The following PHACTR1 variants were observed in gnomAD, a reference collection of about 807,000 sequenced individuals.
PHACTR1 encodes the protein RPEL repeat containing 1.
Under a neutral mutation model 69.2 loss-of-function variants are expected in PHACTR1, and 16 were observed. The observed-to-expected ratio is 0.23, with a 90% CI of 0.16 to 0.35. The LOEUF is 0.35. Ranked by LOEUF, PHACTR1 falls within the 10% of genes least tolerant of loss-of-function variation. PHACTR1 has a pLI of 1.00. For synonymous variants in PHACTR1, 312 were observed against 284.5 expected, an observed-to-expected ratio of 1.10 and a Z score of -0.97; for missense variants, 510 against 734.7, an observed-to-expected ratio of 0.69 and a Z score of 3.54.
At chr6:13,158,957 A>T (rs1758580965) in intron 5 of PHACTR1, among the ~76,000 whole-genome samples, 1 of 152,212 alleles carries the variant, frequency 6.6e-6, no homozygotes, top group African/African-American at 2.4e-5. Flanking sequence ...ATGTTTTCAA[A>T]GGCTGTGGAG....
chr6:12,783,830 A>G (rs1008325397), intron 4 of PHACTR1, among the ~76,000 whole-genome samples: 1 of 152,224 alleles, frequency 6.6e-6, no homozygotes, highest in Non-Finnish European at 1.5e-5. Context: ...TTAAATAAAT[A>G]AAATAGTGAA....
At chr6:12,895,741 C>G (rs140951820) in intron 4 of PHACTR1, among the ~76,000 whole-genome samples, 1 of 152,212 alleles carries the variant, frequency 6.6e-6, no homozygotes, top group Non-Finnish European at 1.5e-5. Context: ...TATTGATTCT[C>G]GAGCCTAGCT....
At position 13,283,280 on chromosome 6, in the gene PHACTR1, CTG is replaced by C; in HGVS notation, c.1510-141_1510-140del. 1.0e-6 allele frequency: 1 copy of C among 967,052 alleles called. No homozygotes were observed. Among genetic ancestry groups the C allele is most frequent in the African/African-American group, 1.7e-5 (1 of 60,318 alleles). The allele number at this position is 967,052 out of a possible 1,614,324, so 59.9% of individuals were successfully genotyped here. On this transcript the variant is annotated intron_variant, in intron 12 of 14. Transcript: ENST00000332995. This position sits in a 1 kb window ranked among gnomAD's most constrained non-coding sequence, Gnocchi z 4.7. Reference sequence around the variant, plus strand: ...GGGTCCCCCCACCCTGGCCCTCCCCCTGCCCCTGCCCCTCACTCACTATGCGA... The same window carrying C: ...GGGTCCCCCCACCCTGGCCCTCCCCCCCCCTGCCCCTCACTCACTATGCGA...
chr6:13,035,860 A>G (rs1269729141), intron 4 of PHACTR1, among the ~76,000 whole-genome samples: 4 of 152,182 alleles, frequency 2.6e-5, no homozygotes, highest in Admixed American at 6.6e-5. Context: ...TGCCCTGCAC[A>G]TTCAACCACA....
At position 13,066,882 on chromosome 6, in the gene PHACTR1, C is replaced by T. The variant is rs115153201; in HGVS notation, c.415+13353C>T. Among the ~76,000 whole-genome samples the T allele has an allele frequency of 9.1e-3, 1,392 of 152,204 alleles. 21 individuals carry two copies. Among genetic ancestry groups the T allele is most frequent in the African/African-American group, 0.032 (1,323 of 41,530 alleles). ...TCCATGCCTTTTAAAGGCTTAGGTA[C>T]AACATTGGCTTAGTATTACAGTCAC... On this transcript the variant is annotated intron_variant, in intron 5 of 14. Coordinates refer to ENST00000332995, the MANE Select transcript of PHACTR1 (RefSeq NM_030948.6).
intron 5 of PHACTR1, among the ~76,000 whole-genome samples, chr6:13,090,633 C>T (rs917431163): frequency 6.6e-6 from 1 of 152,138 alleles, no homozygotes; most frequent in Non-Finnish European, 1.5e-5. Flanking sequence ...TAAAGTTGTT[C>T]ATTTTTATCC....
At chr6:13,256,682 C>T (rs539825472) in intron 10 of PHACTR1, among the ~76,000 whole-genome samples, 1 of 152,330 alleles carries the variant, frequency 6.6e-6, no homozygotes, top group Admixed American at 6.5e-5. Context: ...GGCAGAGGCA[C>T]AGTGCAGCCA....
chr6:13,163,576 A>G (rs1249938744), intron 6 of PHACTR1, among the ~76,000 whole-genome samples: 6 of 152,220 alleles, frequency 3.9e-5, no homozygotes, highest in Admixed American at 3.9e-4. Context: ...CGTTGCACAT[A>G]GTAGTGTATA....
At chr6:13,078,168 T>G (rs2127789976) in intron 5 of PHACTR1, among the ~76,000 whole-genome samples, 1 of 150,024 alleles carries the variant, frequency 6.7e-6, no homozygotes, top group East Asian at 2.0e-4. Flanking sequence ...TTGGGGGGAG[T>G]GGGTGGGGGC....
At chr6:12,986,715 T>C (rs1318556697) in intron 4 of PHACTR1, among the ~76,000 whole-genome samples, 2 of 152,004 alleles carry the variant, frequency 1.3e-5, no homozygotes, top group African/African-American at 4.8e-5. Flanking sequence ...CTACGGAAGA[T>C]TGGTGGGGAG....
chr6:13,159,032 C>G (rs1400294832), intron 5 of PHACTR1, among the ~76,000 whole-genome samples: 1 of 152,192 alleles, frequency 6.6e-6, no homozygotes, highest in African/African-American at 2.4e-5. Flanking sequence ...TCCCCACGTT[C>G]GCCTGTGTCC....
intron 4 of PHACTR1, among the ~76,000 whole-genome samples, chr6:12,957,075 C>T (rs1465588548): frequency 3.8e-4 from 1 of 2,600 alleles, no homozygotes; most frequent in South Asian, 0.012. Context: ...TCCTAGGGGG[C>T]GGGGTGGGGT....
intron 5 of PHACTR1, among the ~76,000 whole-genome samples, chr6:13,148,517 T>C (rs544776823): frequency 6.6e-6 from 1 of 152,308 alleles, no homozygotes; most frequent in African/African-American, 2.4e-5. Flanking sequence ...TAAGATCCAA[T>C]CAAAATTCAT....
chr6:13,261,599 AGGAAG>A (rs2127420528), intron 10 of PHACTR1, among the ~76,000 whole-genome samples: 1 of 152,366 alleles, frequency 6.6e-6, no homozygotes, highest in East Asian at 1.9e-4. Flanking sequence ...TTCTATGGAC[AGGAAG>A]CTATCCCTGG....
intron 10 of PHACTR1, among the ~76,000 whole-genome samples, chr6:13,242,969 G>C (rs1249445446): frequency 6.6e-6 from 1 of 152,222 alleles, no homozygotes; most frequent in African/African-American, 2.4e-5. Flanking sequence ...GTCAAAGTAT[G>C]CTTACTGTTT....
intron 5 of PHACTR1, among the ~76,000 whole-genome samples, chr6:13,130,243 A>G (rs1463820293): frequency 2.0e-5 from 3 of 152,176 alleles, no homozygotes; most frequent in African/African-American, 7.2e-5. Flanking sequence ...GGAACTAGAA[A>G]AACAAGAACA....
intron 4 of PHACTR1, among the ~76,000 whole-genome samples, chr6:12,835,421 T>C (rs1778055569): frequency 6.6e-6 from 1 of 152,096 alleles, no homozygotes; most frequent in Non-Finnish European, 1.5e-5. Context: ...CTGAAGGATT[T>C]GACCTTGAGA....
intron 13 of PHACTR1, 46 bp from the exon 14 acceptor site, chr6:13,286,100 T>C (rs774526789): frequency 6.6e-7 from 1 of 1,507,238 alleles, no homozygotes; most frequent in Non-Finnish European, 8.9e-7. Context: ...GGAGTTTTTT[T>C]CTGTCTCTCT....
chr6:13,166,584 A>G (rs147981357), intron 6 of PHACTR1, among the ~76,000 whole-genome samples: 1 of 152,268 alleles, frequency 6.6e-6, no homozygotes, highest in Non-Finnish European at 1.5e-5. Flanking sequence ...CCCCTTATTT[A>G]TTCAGTTTTA....
Sources: gnomAD v4.1 joint callset for allele counts (sites outside exome capture counted in the v4.1 genomes callset) on GRCh38, gnomAD v4.1.1 for gene constraint, Gnocchi (gnomAD v3.1) non-coding constraint, MANE v1.5 for transcripts, NCBI Gene and HGNC (gene_info 2026-07-23, HGNC 2026-07-21) for gene names.